Variants in UNC5D observed in about 807,000 individuals in gnomAD.
The protein encoded by UNC5D is netrin receptor UNC5D.
UNC5D carries 39 observed loss-of-function variants against 105.4 expected under a neutral mutation model. The observed-to-expected ratio is 0.37, with a 90% CI of 0.29 to 0.48. The LOEUF (loss-of-function observed/expected upper bound fraction) is 0.48. Among genes scored for constraint, UNC5D ranks in the 20% least tolerant of loss-of-function variants. The pLI, the probability that UNC5D is intolerant of heterozygous loss-of-function variation, is 0.98. For missense variants in UNC5D, 991 were observed against 1,202.4 expected, an observed-to-expected ratio of 0.82 and a Z score of 2.60; for synonymous variants, 452 against 450.4, an observed-to-expected ratio of 1.00 and a Z score of -0.04.
At chr8:35,767,290 G>A (rs1318708955) in intron 15 of UNC5D, among the ~76,000 whole-genome samples, 1 of 152,170 alleles carries the variant, frequency 6.6e-6, no homozygotes, top group Non-Finnish European at 1.5e-5. Context: ...AGCTTAGACT[G>A]TGAAGGCACC....
At chr8:35,258,437 C>T (rs1236227484) in intron 1 of UNC5D, among the ~76,000 whole-genome samples, 4 of 152,118 alleles carry the variant, frequency 2.6e-5, no homozygotes, top group African/African-American at 9.7e-5. Context: ...TGTGGGGGAT[C>T]AGACTACTTG....
At chr8:35,525,152 G>A (rs1813774574) in intron 1 of UNC5D, 2 of 1,607,504 alleles carry the variant, frequency 1.2e-6, no homozygotes, top group Non-Finnish European at 1.7e-6. Context: ...CTGGATGCTG[G>A]AAGAGTCCTC....
intron 7 of UNC5D, among the ~76,000 whole-genome samples, chr8:35,701,587 A>G (rs1186638764): frequency 6.6e-6 from 1 of 152,222 alleles, no homozygotes; most frequent in Non-Finnish European, 1.5e-5. Context: ...ATGAATCATC[A>G]CCAAAAATAA....
intron 13 of UNC5D, among the ~76,000 whole-genome samples, chr8:35,757,977 A>G (rs1277922100): frequency 2.0e-5 from 3 of 152,194 alleles, no homozygotes; most frequent in Non-Finnish European, 4.4e-5. Flanking sequence ...CTCTAGCCAC[A>G]TTTCAAGTGC....
In UNC5D at chr8:35,533,305, C is replaced by G. The variant is rs538573453; in HGVS notation, c.104-15987C>G. ...CTGCAGGTCTGTTGGAATACCCTGC[C>G]GTGTGAGGGGTCAGTGTGCCCCTGC... is the stretch of plus-strand genomic sequence containing the variant. On this transcript the variant is annotated intron_variant, in intron 1 of 16. Coordinates refer to ENST00000404895, the MANE Select transcript of UNC5D (RefSeq NM_080872.4). Among the ~76,000 whole-genome samples, 474 of 152,068 alleles carry G rather than the reference C, an allele frequency of 3.1e-3. 2 individuals are homozygous for G. Among genetic ancestry groups the G allele is most frequent in the Admixed American group, 6.1e-3 (93 of 15,260 alleles).
intron 1 of UNC5D, among the ~76,000 whole-genome samples, chr8:35,516,506 C>A (rs1813101685): frequency 6.6e-6 from 1 of 152,216 alleles, no homozygotes; most frequent in Admixed American, 6.5e-5. Context: ...CTAGAAGCCA[C>A]TGTGTTGATC....
chr8:35,674,984 C>G (rs776056731), intron 4 of UNC5D, among the ~76,000 whole-genome samples: 1 of 152,134 alleles, frequency 6.6e-6, no homozygotes, highest in East Asian at 1.9e-4. Context: ...CTCTAATAGA[C>G]CTGTCTCTCT....
At chr8:35,742,889 A>C (rs1415061889) in intron 11 of UNC5D, among the ~76,000 whole-genome samples, 3 of 152,162 alleles carry the variant, frequency 2.0e-5, no homozygotes, top group African/African-American at 7.2e-5. Flanking sequence ...TCACCCTGTC[A>C]CCAACTGCAG....
At chr8:35,607,526 C>T (rs1233901551) in intron 4 of UNC5D, among the ~76,000 whole-genome samples, 1 of 152,074 alleles carries the variant, frequency 6.6e-6, no homozygotes, top group East Asian at 1.9e-4. Flanking sequence ...GTGTCGTCAT[C>T]CAAATTTCAT....
chr8:35,308,943 G>C (rs1278720889), intron 1 of UNC5D, among the ~76,000 whole-genome samples: 1 of 152,148 alleles, frequency 6.6e-6, no homozygotes, highest in East Asian at 1.9e-4. Flanking sequence ...AGGACATGAA[G>C]CTTGTGTCAA....
chr8:35,728,704 G>A lies in UNC5D; in HGVS notation c.1681+2175G>A, dbSNP rs61565614. 7.5e-3 allele frequency among the ~76,000 whole-genome samples: 1,144 copies of A among 152,278 alleles called. 14 individuals are homozygous for A. Among genetic ancestry groups the A allele is most frequent in the African/African-American group, 0.026 (1,089 of 41,536 alleles). On this transcript the variant is annotated intron_variant, in intron 10 of 16. Transcript: ENST00000404895. ...CTAATGCCATCCATCCTAAATTATT[G>A]TATGGTGCCTAGCAATGATTTCTCC...
intron 1 of UNC5D, among the ~76,000 whole-genome samples, chr8:35,396,657 C>T (rs1295791716): frequency 1.3e-5 from 2 of 152,040 alleles, no homozygotes; most frequent in Admixed American, 1.3e-4. Context: ...GCCATCACGC[C>T]CACCTAATTT....
At chr8:35,274,798 G>A (rs879487862) in intron 1 of UNC5D, among the ~76,000 whole-genome samples, 1 of 152,090 alleles carries the variant, frequency 6.6e-6, no homozygotes, top group Non-Finnish European at 1.5e-5. Flanking sequence ...TTTAATATAT[G>A]CATAAAATAT....
chr8:35,246,156 A>G (rs1435067275), intron 1 of UNC5D, among the ~76,000 whole-genome samples: 1 of 152,090 alleles, frequency 6.6e-6, no homozygotes, highest in Non-Finnish European at 1.5e-5. Flanking sequence ...CAGTGACTAA[A>G]TTGTCATTAA....
intron 1 of UNC5D, among the ~76,000 whole-genome samples, chr8:35,271,749 A>AGGTATCCATATATATGTATACC (rs1805412098): frequency 1.0e-5 from 1 of 97,346 alleles, no homozygotes; most frequent in African/African-American, 4.3e-5. Context: ...ATATTTATAC[A>AGGTATCCATATATATGTATACC]TGTATACATG....
chr8:35,237,666 G>C (rs950005379), intron 1 of UNC5D, among the ~76,000 whole-genome samples: 1 of 152,148 alleles, frequency 6.6e-6, no homozygotes, highest in Non-Finnish European at 1.5e-5. Flanking sequence ...CATTCTGCAG[G>C]CTTATTTACA....
At chr8:35,436,556 C>T (rs1445782201) in intron 1 of UNC5D, among the ~76,000 whole-genome samples, 1 of 151,994 alleles carries the variant, frequency 6.6e-6, no homozygotes, top group Non-Finnish European at 1.5e-5. Flanking sequence ...AGCTGAGAAA[C>T]TTTCTAGTAT....
Position 35,789,953 on chromosome 8 carries a change from C to T in UNC5D, c.2658-406C>T, listed in dbSNP as rs181166439. ...ACACAGAGTTCAAGGAAAGTGAGGA[C>T]CCAAAAGACTTGGGGCCAAACATGG... is the stretch of plus-strand genomic sequence containing the variant. On this transcript the variant is annotated intron_variant, in intron 16 of 16. Coordinates refer to ENST00000404895, the MANE Select transcript of UNC5D (RefSeq NM_080872.4). Among the ~76,000 whole-genome samples, 4 of 150,382 alleles carry T rather than the reference C, an allele frequency of 2.7e-5. No individual in the cohort carries two copies. The East Asian group carries it at 7.8e-4, about 29-fold the overall frequency.
chr8:35,758,526 C>G (rs188908086), intron 13 of UNC5D, among the ~76,000 whole-genome samples: 63 of 152,290 alleles, frequency 4.1e-4, no homozygotes, highest in African/African-American at 1.4e-3. Flanking sequence ...TCATTTAGCA[C>G]TTCCCTGAAT....
Sources: allele counts gnomAD v4.1 joint callset (sites outside exome capture counted in the v4.1 genomes callset), GRCh38; gene constraint gnomAD v4.1.1; transcripts MANE v1.5; gene names NCBI Gene and HGNC (gene_info 2026-07-23, HGNC 2026-07-21).